The following CMC1 variants were observed in gnomAD, a reference collection of about 807,000 sequenced individuals.
CMC1 encodes the protein C-X9-C motif containing 1.
In CMC1, 14 loss-of-function variants were observed where a neutral mutation model predicts 14.1. The ratio of observed to expected loss-of-function variants is 0.99; its 90% CI spans 0.66 to 1.55. The LOEUF (loss-of-function observed/expected upper bound fraction) is 1.55. CMC1 is among the 40% of genes most tolerant of loss of function. The pLI, the probability that CMC1 is intolerant of heterozygous loss-of-function variation, is 0.00. For synonymous variants in CMC1, 50 were observed against 38.4 expected (o/e 1.30, Z -1.12); for missense variants, 127 against 123.8 (o/e 1.03, Z -0.12).
chr3:28,300,655 T>TTCCCTCCCTG (rs1701988031), intron 2 of CMC1, among the ~76,000 whole-genome samples: 1 of 54,106 alleles, frequency 1.8e-5, no homozygotes. Flanking sequence ...CTCCATCCCT[T>TTCCCTCCCTG]TCCCTCCCTT....
intron 1 of CMC1, 49 bp from the exon 2 acceptor site, chr3:28,263,242 C>A: frequency 7.5e-7 from 1 of 1,329,772 alleles, no homozygotes; most frequent in Non-Finnish European, 1.1e-6. Context: ...TTCCTTTAAT[C>A]TGGTGATTTG....
At chr3:28,305,302 C>A (rs562091817) in intron 2 of CMC1, among the ~76,000 whole-genome samples, 1 of 152,166 alleles carries the variant, frequency 6.6e-6, no homozygotes, top group East Asian at 1.9e-4. Context: ...ATATATGTAC[C>A]ACATTTTCTT....
At chr3:28,269,008 TGA>T (rs1190124510) in intron 2 of CMC1, among the ~76,000 whole-genome samples, 1 of 152,216 alleles carries the variant, frequency 6.6e-6, no homozygotes, top group Non-Finnish European at 1.5e-5. Context: ...TAAGATATTT[TGA>T]GAGAGACCAT....
intron 1 of CMC1, among the ~76,000 whole-genome samples, chr3:28,257,266 C>G (rs1188985806): frequency 1.3e-5 from 2 of 152,090 alleles, no homozygotes; most frequent in Non-Finnish European, 2.9e-5. Flanking sequence ...TTTCAGCTCC[C>G]ATATATAACC....
intron 2 of CMC1, among the ~76,000 whole-genome samples, chr3:28,267,082 G>T (rs1161291564): frequency 3.3e-5 from 5 of 152,172 alleles, no homozygotes; most frequent in African/African-American, 4.8e-5. Flanking sequence ...GTCTTAGGGA[G>T]ATGGTTTGAC....
chr3:28,297,252 T>C (rs1559433652), intron 2 of CMC1: 1 of 151,998 alleles, frequency 6.6e-6, no homozygotes. Context: ...TTGGAGCATA[T>C]ATTTAGAGAG....
chr3:28,321,352 A>G lies in CMC1; in HGVS notation c.*1723A>G, dbSNP rs1170981919. 1 of 151,486 alleles carries G rather than the reference A, an allele frequency of 6.6e-6. No individual in the cohort carries two copies. The highest frequency in any genetic ancestry group is 1.5e-5 in the Non-Finnish European group (1 of 67,584). The allele number at this position is 151,486 out of a possible 1,614,324, so 9.4% of individuals were successfully genotyped here. A position where few individuals can be genotyped will look rare whatever the true frequency, so the allele number is the denominator to read the frequency against. ...AATCTATTTTATAGCTTTGATTAAA[A>G]TCAGAAGTAGCCCACTTCATGTAGA... On this transcript the variant is annotated 3_prime_UTR_variant, in exon 4 of 4. Transcript: ENST00000466830.
intron 1 of CMC1, among the ~76,000 whole-genome samples, chr3:28,261,097 G>A (rs568506936): frequency 3.4e-4 from 52 of 151,892 alleles, no homozygotes; most frequent in Non-Finnish European, 7.1e-4. Flanking sequence ...TGTTGTTCAA[G>A]TACTTCACAG....
chr3:28,308,655 A>G (rs1227140876), intron 2 of CMC1, among the ~76,000 whole-genome samples: 1 of 152,190 alleles, frequency 6.6e-6, no homozygotes, highest in Non-Finnish European at 1.5e-5. Context: ...ATAAAGTCTT[A>G]AATTATTCTT....
rs140850573 is a variant in CMC1, at chr3:28,322,542, T to C, written c.*2913T>C. 1.3e-5 allele frequency: 2 copies of C among 151,722 alleles called. No individual in the cohort carries two copies. The highest frequency in any genetic ancestry group is 4.8e-5 in the African/African-American group (2 of 41,448). 9.4% of individuals were successfully genotyped at this position (151,722 alleles called of 1,614,324 possible). On this transcript the variant is annotated 3_prime_UTR_variant, in exon 4 of 4. Coordinates refer to ENST00000466830, the MANE Select transcript of CMC1 (RefSeq NM_182523.2). ...ATAATATACAGCCTATGCAGCCACA[T>C]GAGAAATAGTTTTTGCTGCTTTGTT...
chr3:28,283,383 A>G (rs549217914), intron 2 of CMC1, among the ~76,000 whole-genome samples: 1 of 151,954 alleles, frequency 6.6e-6, no homozygotes, highest in South Asian at 2.1e-4. Flanking sequence ...GCCAGGTGTC[A>G]TGGCGCATGC....
chr3:28,300,637 T>TTCCC (rs1389208667), intron 2 of CMC1, among the ~76,000 whole-genome samples: 2 of 71,538 alleles, frequency 2.8e-5, no homozygotes, highest in African/African-American at 1.0e-4. Context: ...CTCCATCCCT[T>TTCCC]TCCCTCCCTC....
At position 28,302,111 on chromosome 3, in the gene CMC1, G is replaced by A. The variant is rs553212499; in HGVS notation, c.110-14222G>A. ...TGGTCCTGTCCAGGGCCCTCGATAA[G>A]TAGTATTTAATGGTCACTGTTGGCT... On this transcript the variant is annotated intron_variant, in intron 2 of 3. Coordinates refer to ENST00000466830, the MANE Select transcript of CMC1 (RefSeq NM_182523.2). Among the ~76,000 whole-genome samples, 9 of 152,294 alleles carry A rather than the reference G, an allele frequency of 5.9e-5. 1 individual carries two copies. In the East Asian group the frequency reaches 1.7e-3, roughly 29 times the overall value.
chr3:28,270,711 C>T lies in CMC1; in HGVS notation c.109+7331C>T, dbSNP rs936290458. On this transcript the variant is annotated intron_variant, in intron 2 of 3. Transcript: ENST00000466830. ...TCCCATTCTTTAGGTTGTCTGTTCA[C>T]GCTTATGATAGTTTCTTTTGCTATG... Among the ~76,000 whole-genome samples, 10 of 151,862 alleles carry T rather than the reference C, an allele frequency of 6.6e-5. No homozygotes were observed. The East Asian group carries it at 1.2e-3, about 18-fold the overall frequency.
chr3:28,292,305 T>TA (rs1277636003), intron 2 of CMC1, among the ~76,000 whole-genome samples: 1 of 152,172 alleles, frequency 6.6e-6, no homozygotes, highest in Non-Finnish European at 1.5e-5. Flanking sequence ...TTTAAGAGCT[T>TA]ACAATATCTT....
chr3:28,247,454 G>T (rs1698884024), intron 1 of CMC1, among the ~76,000 whole-genome samples: 1 of 152,138 alleles, frequency 6.6e-6, no homozygotes, highest in African/African-American at 2.4e-5. Context: ...TTGTGCCTTG[G>T]AGGCAAGGGA....
At chr3:28,292,438 G>A (rs1474972481) in intron 2 of CMC1, among the ~76,000 whole-genome samples, 1 of 151,810 alleles carries the variant, frequency 6.6e-6, no homozygotes, top group Non-Finnish European at 1.5e-5. Context: ...TATCCTAAAC[G>A]TTGTTGCTAG....
chr3:28,293,899 T>A (rs770401605), intron 2 of CMC1, among the ~76,000 whole-genome samples: 15 of 152,158 alleles, frequency 9.9e-5, no homozygotes, highest in Non-Finnish European at 2.1e-4. Context: ...TTCTTTTTTT[T>A]AACTTGAAAA....
intron 1 of CMC1, 94 bp from the exon 2 acceptor site, chr3:28,263,197 T>C: frequency 1.2e-6 from 1 of 830,508 alleles, no homozygotes; most frequent in Non-Finnish European, 1.9e-6. Flanking sequence ...TATATTTGCA[T>C]AGGCTTTTAT....
Sources: allele counts gnomAD v4.1 joint callset (sites outside exome capture counted in the v4.1 genomes callset), GRCh38; gene constraint gnomAD v4.1.1; transcripts MANE v1.5; gene names NCBI Gene and HGNC (gene_info 2026-07-23, HGNC 2026-07-21).